RSBN1L: variants seen among roughly 807,000 people sequenced by gnomAD.
RSBN1L encodes the protein lysine-specific demethylase RSBN1L.
A neutral mutation model predicts 67.7 loss-of-function variants in RSBN1L; 30 were observed. The ratio of observed to expected loss-of-function variants is 0.44; its 90% confidence interval spans 0.33 to 0.60. The LOEUF (loss-of-function observed/expected upper bound fraction) is 0.60, where lower values mean the gene tolerates loss of function less well. RSBN1L is among the 20% of genes least tolerant of loss of function. The pLI is 0.02. For missense variants in RSBN1L, 992 were observed against 1,031.7 expected (o/e 0.96, Z 0.53); for synonymous variants, 433 against 387.0 (o/e 1.12, Z -1.39).
At chr7:77,774,803 A>G (rs114409496) in intron 6 of RSBN1L, among the ~76,000 whole-genome samples, 3,007 of 152,220 alleles carry the variant, frequency 0.02, 81 homozygotes, top group African/African-American at 0.068. Context: ...AAAATTGAGT[A>G]TTGTTTGGGT....
intron 1 of RSBN1L, among the ~76,000 whole-genome samples, chr7:77,711,425 G>A (rs373686779): frequency 6.7e-6 from 1 of 149,500 alleles, no homozygotes; most frequent in South Asian, 2.1e-4. Flanking sequence ...CTGTAACGTC[G>A]AACTCCTGGG....
intron 1 of RSBN1L, among the ~76,000 whole-genome samples, chr7:77,722,521 T>C (rs2150416496): frequency 6.6e-6 from 1 of 152,318 alleles, no homozygotes; most frequent in South Asian, 2.1e-4. Flanking sequence ...TTTGATTAGC[T>C]GTGTTAGCGA....
intron 3 of RSBN1L, among the ~76,000 whole-genome samples, chr7:77,758,589 T>A (rs536579892): frequency 5.9e-5 from 9 of 152,334 alleles, no homozygotes; most frequent in East Asian, 1.9e-4. Flanking sequence ...ATTCATTCTT[T>A]CTTTTTTTGT....
intron 1 of RSBN1L, among the ~76,000 whole-genome samples, chr7:77,734,133 GA>G (rs1211123094): frequency 3.3e-5 from 5 of 151,450 alleles, no homozygotes; most frequent in South Asian, 2.1e-4. Context: ...CTCAAAAAAA[GA>G]AAAAAAAGTT....
intron 1 of RSBN1L, among the ~76,000 whole-genome samples, chr7:77,706,080 GTT>G (rs796813233): frequency 1.5e-5 from 2 of 136,708 alleles, no homozygotes; most frequent in Non-Finnish European, 1.6e-5. Context: ...TTTATTTAAT[GTT>G]TTTTTTTTTT....
intron 2 of RSBN1L, among the ~76,000 whole-genome samples, chr7:77,741,082 G>T (rs1301133011): frequency 6.6e-6 from 1 of 150,870 alleles, no homozygotes; most frequent in Non-Finnish European, 1.5e-5. Context: ...TGTTTCCCGG[G>T]TTCAAGCGAT....
At chr7:77,733,218 T>G (rs992092231) in intron 1 of RSBN1L, among the ~76,000 whole-genome samples, 1 of 152,076 alleles carries the variant, frequency 6.6e-6, no homozygotes, top group Non-Finnish European at 1.5e-5. Context: ...GGGTGAAAGG[T>G]AGGTTGAAAG....
chr7:77,738,971 C>G (rs1029027204), intron 2 of RSBN1L, among the ~76,000 whole-genome samples: 16 of 152,040 alleles, frequency 1.1e-4, no homozygotes, highest in Non-Finnish European at 1.9e-4. Context: ...ACCAATAAAA[C>G]CAAACTATCT....
intron 1 of RSBN1L, chr7:77,697,296 C>T (rs932420577): frequency 2.1e-5 from 8 of 376,230 alleles, no homozygotes; most frequent in Admixed American, 1.4e-4. Flanking sequence ...GTTTCTTCCT[C>T]CCAGTTAGTG....
At chr7:77,736,750 C>T (rs956594017) in intron 2 of RSBN1L, among the ~76,000 whole-genome samples, 2 of 152,054 alleles carry the variant, frequency 1.3e-5, no homozygotes, top group African/African-American at 2.4e-5. Context: ...GGTTAAGCTT[C>T]GTTAAACTTA....
In RSBN1L at chr7:77,696,754, C is replaced by T. The variant is rs763352977; in HGVS notation, c.285C>T (p.Pro95=). 8 of 1,613,734 alleles carry T rather than the reference C, an allele frequency of 5.0e-6. 1 individual carries two copies. In the African/African-American group the frequency reaches 8.0e-5, roughly 16 times the overall value. Residue 95 remains proline (P), a synonymous_variant, in exon 1 of 8, where the codon CCC becomes CCT. Coordinates refer to ENST00000334955, the MANE Select transcript of RSBN1L (RefSeq NM_198467.3). The part of the protein sequence containing the change: ...SWSFAPLSAA[P]SPSSSRSSFS... ...GCTTTGCCCCTCTGTCTGCTGCTCC[C>T]TCCCCGTCCTCTTCTCGGAGCAGTT... is the stretch of plus-strand genomic sequence containing the variant.
chr7:77,698,261 C>T (rs1790768094), intron 1 of RSBN1L, among the ~76,000 whole-genome samples: 1 of 152,214 alleles, frequency 6.6e-6, no homozygotes, highest in African/African-American at 2.4e-5. Context: ...ATGTAAATAT[C>T]TTTCAGCTTC....
intron 2 of RSBN1L, among the ~76,000 whole-genome samples, chr7:77,744,532 G>A (rs1360134783): frequency 2.0e-5 from 3 of 151,696 alleles, no homozygotes; most frequent in East Asian, 1.9e-4. Context: ...TTTGGAGTGC[G>A]GTGGTGCAAT....
intron 1 of RSBN1L, among the ~76,000 whole-genome samples, chr7:77,722,457 T>C (rs1010104416): frequency 6.6e-6 from 1 of 152,158 alleles, no homozygotes; most frequent in African/African-American, 2.4e-5. Context: ...GATACTGTTA[T>C]GTTGCAGTGA....
intron 5 of RSBN1L, among the ~76,000 whole-genome samples, chr7:77,771,927 G>C (rs1791855359): frequency 6.6e-6 from 1 of 151,930 alleles, no homozygotes; most frequent in Non-Finnish European, 1.5e-5. Flanking sequence ...TGTACTTTAA[G>C]GGGGTTCACC....
chr7:77,697,846 T>G (rs1324458068), intron 1 of RSBN1L, among the ~76,000 whole-genome samples: 1 of 152,208 alleles, frequency 6.6e-6, no homozygotes, highest in Non-Finnish European at 1.5e-5. Flanking sequence ...GTCAGTTTTG[T>G]TTTTAAATGT....
chr7:77,753,853 G>A (rs1239268345), intron 3 of RSBN1L, among the ~76,000 whole-genome samples: 3 of 152,134 alleles, frequency 2.0e-5, no homozygotes, highest in Non-Finnish European at 4.4e-5. Context: ...AAAGATCAGG[G>A]TTTATGTTTT....
At chr7:77,771,352 T>C (rs1271580406) in intron 5 of RSBN1L, among the ~76,000 whole-genome samples, 2 of 152,178 alleles carry the variant, frequency 1.3e-5, no homozygotes, top group African/African-American at 4.8e-5. Context: ...TTGAGTAAAC[T>C]CTGGGTTGCA....
At chr7:77,699,566 G>C (rs573125345) in intron 1 of RSBN1L, among the ~76,000 whole-genome samples, 1 of 152,272 alleles carries the variant, frequency 6.6e-6, no homozygotes, top group South Asian at 2.1e-4. Flanking sequence ...CTAATTGAAA[G>C]ATGGGTGAAT....
Sources: allele counts gnomAD v4.1 joint callset (sites outside exome capture counted in the v4.1 genomes callset), GRCh38; gene constraint gnomAD v4.1.1; transcripts MANE v1.5; gene names NCBI Gene and HGNC (gene_info 2026-07-23, HGNC 2026-07-21).